Variants in ITPK1 observed in about 807,000 individuals in gnomAD.
ITPK1 encodes the protein inositol-tetrakisphosphate 1-kinase.
Under a neutral mutation model 45.3 loss-of-function variants are expected in ITPK1, and 21 were observed. The ratio of observed to expected loss-of-function variants is 0.46; its 90% CI spans 0.33 to 0.67. The LOEUF is 0.67. ITPK1 is among the 30% of genes least tolerant of loss of function. ITPK1 has a pLI of 0.02. For synonymous variants in ITPK1, 258 were observed against 253.6 expected, an observed-to-expected ratio of 1.02 and a Z score of -0.16; for missense variants, 474 against 573.5, an observed-to-expected ratio of 0.83 and a Z score of 1.77.
rs555120566 is a variant in ITPK1 at position 93,044,983 on chromosome 14, G to C, written c.121-28182C>G. Among the ~76,000 whole-genome samples, 23 of 152,366 alleles carry C rather than the reference G, an allele frequency of 1.5e-4. No homozygotes were observed. In the East Asian group the frequency reaches 3.5e-3, roughly 23 times the overall value. ...GGCCCCAGGGCTCTAGGATCTGTCA[G>C]ATCAGGAAGAAAGGGGCATTTAAGG... On this transcript the variant is annotated intron_variant, in intron 3 of 10. Transcript: ENST00000267615.
Position 93,036,725 on chromosome 14 carries a change from A to G in ITPK1, c.121-19924T>C, listed in dbSNP as rs1020423821. 2.0e-5 allele frequency: 3 copies of G among 151,808 alleles called. No individual in the cohort carries two copies. Among genetic ancestry groups the G allele is most frequent in the African/African-American group, 7.3e-5 (3 of 41,236 alleles). 9.4% of individuals were successfully genotyped at this position (151,808 alleles called of 1,614,324 possible). A position where few individuals can be genotyped will look rare whatever the true frequency, so the allele number is the denominator to read the frequency against. ...AACAACCCGCACCGCATTCTCTCCC[A>G]CTCATCTCAATACCGCAGGGGAGGA... On this transcript the variant is annotated intron_variant, in intron 3 of 10. Transcript: ENST00000267615. The surrounding 1 kb of genome is among the most constrained non-coding windows in gnomAD (Gnocchi z 4.1).
intron 3 of ITPK1, among the ~76,000 whole-genome samples, chr14:93,043,921 G>A (rs115072684): frequency 0.05 from 7,632 of 152,174 alleles, 436 homozygotes; most frequent in African/African-American, 0.14. Flanking sequence ...ACTGCCCCAA[G>A]TCCACTACCC....
chr14:93,006,110 T>C (rs1165362376), intron 4 of ITPK1, among the ~76,000 whole-genome samples: 15 of 152,048 alleles, frequency 9.9e-5, no homozygotes, highest in East Asian at 1.9e-4. Flanking sequence ...TCCAAATGCA[T>C]GTGCCAGCTC....
intron 2 of ITPK1, among the ~76,000 whole-genome samples, chr14:93,112,726 C>T (rs376956268): frequency 7.9e-5 from 12 of 152,066 alleles, no homozygotes; most frequent in Admixed American, 4.6e-4. Context: ...ACAGAAGACA[C>T]GGCACCCGGC....
At chr14:92,945,577 C>T (rs993097604) in intron 10 of ITPK1, among the ~76,000 whole-genome samples, 1 of 152,232 alleles carries the variant, frequency 6.6e-6, no homozygotes, top group Non-Finnish European at 1.5e-5. Flanking sequence ...AGGCATCAAG[C>T]GCGGCTCTGT....
intron 3 of ITPK1, chr14:93,066,182 C>T: frequency 2.2e-6 from 1 of 451,128 alleles, no homozygotes; most frequent in South Asian, 1.6e-5. Context: ...TTAATTCACT[C>T]ACCCAGTAGA....
rs1159670865 is a variant in ITPK1, at chr14:93,014,623, G to C, written c.246+2053C>G. ...TTTTGGAACAAGGATCTGCCTTGAA[G>C]ACAGTTTGACTCCCAAGTCCTCCGC... On this transcript the variant is annotated intron_variant, in intron 4 of 10. Transcript: ENST00000267615. This position sits in a 1 kb window ranked among gnomAD's most constrained non-coding sequence, Gnocchi z 4.4. Among the ~76,000 whole-genome samples the C allele has an allele frequency of 6.6e-6, 1 of 152,260 alleles. No individual in the cohort carries two copies. Among genetic ancestry groups the C allele is most frequent in the Non-Finnish European group, 1.5e-5 (1 of 68,040 alleles).
At chr14:92,966,239 G>A (rs1885348560) in intron 5 of ITPK1, among the ~76,000 whole-genome samples, 1 of 152,022 alleles carries the variant, frequency 6.6e-6, no homozygotes, top group Admixed American at 6.6e-5. Flanking sequence ...TGATTGTCCC[G>A]CCTCAGCCTC....
chr14:92,965,760 T>C (rs139819636), intron 5 of ITPK1, among the ~76,000 whole-genome samples: 9,641 of 152,282 alleles, frequency 0.063, 395 homozygotes, highest in East Asian at 0.2. Context: ...TCCCAGCACT[T>C]TGGGAGGCCA....
intron 2 of ITPK1, among the ~76,000 whole-genome samples, chr14:93,108,815 C>A (rs1021649557): frequency 6.6e-6 from 1 of 152,222 alleles, no homozygotes; most frequent in Admixed American, 6.5e-5. Context: ...GAGTTCGAAA[C>A]CAACCTGGCC....
intron 8 of ITPK1, among the ~76,000 whole-genome samples, chr14:92,954,078 A>T (rs1376247697): frequency 6.6e-6 from 1 of 152,112 alleles, no homozygotes; most frequent in African/African-American, 2.4e-5. Context: ...TATTTTCAGT[A>T]GAGACGGGGT....
At chr14:93,050,036 C>A (rs1207559677) in intron 3 of ITPK1, among the ~76,000 whole-genome samples, 2 of 152,168 alleles carry the variant, frequency 1.3e-5, no homozygotes, top group African/African-American at 4.8e-5. Flanking sequence ...AAGTGCAACT[C>A]CTGCTCAGCT....
intron 3 of ITPK1, among the ~76,000 whole-genome samples, chr14:93,026,051 G>A (rs1888715693): frequency 6.6e-6 from 1 of 152,130 alleles, no homozygotes; most frequent in Admixed American, 6.5e-5. Context: ...CAGGAGGGTG[G>A]CTTAAGCACG....
At chr14:93,073,886 G>A (rs766426872) in intron 3 of ITPK1, among the ~76,000 whole-genome samples, 38 of 152,140 alleles carry the variant, frequency 2.5e-4, no homozygotes, top group African/African-American at 8.7e-4. Flanking sequence ...TGCACAGAAC[G>A]GGAGACGCCC....
At position 92,952,006 on chromosome 14, in the gene ITPK1, C is replaced by T. The variant is rs1887978569; in HGVS notation, c.678G>A (p.Glu226=). 1 of 1,570,616 alleles carries T rather than the reference C, an allele frequency of 6.4e-7. No individual in the cohort carries two copies. Among genetic ancestry groups the T allele is most frequent in the Non-Finnish European group, 8.6e-7 (1 of 1,157,318 alleles). Residue 226 remains glutamate (E), a synonymous_variant, in exon 9 of 11, where the codon GAG becomes GAA. Coordinates refer to ENST00000267615, the MANE Select transcript of ITPK1 (RefSeq NM_014216.6). ...CGTTGTGGCTGTTGAAGAAGATGGA[C>T]TCACGGTCTGAAAAAGCGACAGGAA... is the stretch of plus-strand genomic sequence containing the variant. ...KNFSAGTSDR[E]SIFFNSHNVS...
At chr14:93,113,870 G>A (rs754725527) in intron 2 of ITPK1, among the ~76,000 whole-genome samples, 1 of 152,254 alleles carries the variant, frequency 6.6e-6, no homozygotes, top group Non-Finnish European at 1.5e-5. Context: ...GCTGCAGGAA[G>A]AGCGCCTGCG....
Position 92,962,466 on chromosome 14 carries a change from C to T in ITPK1, c.464-71G>A, listed in dbSNP as rs7161091. ...TCACCCACAAGGCAGGTACTTGGCA[C>T]GTCTAGAAAGGAACTCTAGCTGAGA... On this transcript the variant is annotated intron_variant, in intron 6 of 10. Coordinates refer to ENST00000267615, the MANE Select transcript of ITPK1 (RefSeq NM_014216.6). 2.2e-3 allele frequency: 2,274 copies of T among 1,055,224 alleles called. 27 individuals are homozygous for T. The African/African-American group carries it at 0.031, about 14-fold the overall frequency. 65.4% of individuals were successfully genotyped at this position (1,055,224 alleles called of 1,614,324 possible).
chr14:93,062,923 G>A (rs1890593466), intron 3 of ITPK1, among the ~76,000 whole-genome samples: 1 of 152,242 alleles, frequency 6.6e-6, no homozygotes, highest in Non-Finnish European at 1.5e-5. Flanking sequence ...AGGGTCCTGA[G>A]CGATCCGGCG....
At chr14:93,090,630 CT>C (rs1258002057) in intron 2 of ITPK1, among the ~76,000 whole-genome samples, 2 of 151,990 alleles carry the variant, frequency 1.3e-5, no homozygotes, top group Non-Finnish European at 2.9e-5. Flanking sequence ...CTTTTCTTTT[CT>C]TTTTTTGGCC....
Sources: gnomAD v4.1 joint callset for allele counts (sites outside exome capture counted in the v4.1 genomes callset) on GRCh38, gnomAD v4.1.1 for gene constraint, Gnocchi (gnomAD v3.1) non-coding constraint, MANE v1.5 for transcripts, NCBI Gene and HGNC (gene_info 2026-07-23, HGNC 2026-07-21) for gene names.